PEMT: variants seen among roughly 807,000 people sequenced by gnomAD.
The protein encoded by PEMT is phosphatidylethanolamine N-methyltransferase, also known as phospholipid methyltransferase.
Under a neutral mutation model 27.4 loss-of-function variants are expected in PEMT, and 23 were observed. The observed-to-expected ratio is 0.84, with a 90% CI of 0.60 to 1.19. The LOEUF (loss-of-function observed/expected upper bound fraction) is 1.19, where lower values mean the gene tolerates loss of function less well. Ranked by LOEUF, PEMT falls within the 50% of genes most tolerant of loss-of-function variation. The pLI is 0.00. For synonymous variants in PEMT, 137 were observed against 139.1 expected (o/e 0.98, Z 0.11); for missense variants, 307 against 310.1 (o/e 0.99, Z 0.07).
Position 17,512,213 on chromosome 17 carries a change from G to A in PEMT, c.466+296C>T, listed in dbSNP as rs1397896318. On this transcript the variant is annotated intron_variant, in intron 4 of 6. Transcript: ENST00000255389. The surrounding 1 kb of genome is among the most constrained non-coding windows in gnomAD (Gnocchi z 6.3). ...ACTCAAGGAGTCCTGCACCCAGCCC[G>A]GGCCGCAGAACGGGCATTGAGTGCA... is the stretch of plus-strand genomic sequence containing the variant. 2.0e-5 allele frequency among the ~76,000 whole-genome samples: 3 copies of A among 152,214 alleles called. No individual in the cohort carries two copies. The highest frequency in any genetic ancestry group is 2.1e-4 in the South Asian group (1 of 4,832).
chr17:17,563,906 G>T (rs1440619273), intron 2 of PEMT, among the ~76,000 whole-genome samples: 1 of 152,200 alleles, frequency 6.6e-6, no homozygotes, highest in Non-Finnish European at 1.5e-5. Context: ...TGGAAGAGGG[G>T]AGTCTCTAGC....
At chr17:17,584,335 AT>A (rs1912130882) in intron 1 of PEMT, among the ~76,000 whole-genome samples, 1 of 151,740 alleles carries the variant, frequency 6.6e-6, no homozygotes, top group Non-Finnish European at 1.5e-5. Flanking sequence ...ATTTTTTTGT[AT>A]TTTTAGTAGA....
At chr17:17,509,933 C>T (rs955032578) in intron 4 of PEMT, among the ~76,000 whole-genome samples, 1 of 152,140 alleles carries the variant, frequency 6.6e-6, no homozygotes, top group African/African-American at 2.4e-5. Context: ...GCTCATGGCG[C>T]CTCTTTATGC....
At chr17:17,506,425 G>A in intron 5 of PEMT, 124 bp from the exon 6 acceptor site, 2 of 640,346 alleles carry the variant, frequency 3.1e-6, no homozygotes, top group South Asian at 1.9e-5. Context: ...GGCCACTTGG[G>A]CCGACCGAGC....
At chr17:17,538,117 C>T (rs1458160428) in intron 2 of PEMT, among the ~76,000 whole-genome samples, 1 of 152,208 alleles carries the variant, frequency 6.6e-6, no homozygotes, top group Non-Finnish European at 1.5e-5. Flanking sequence ...GGTCCCAGCC[C>T]TCCCAGCCCT....
At chr17:17,536,724 C>T (rs1567696063) in intron 2 of PEMT, among the ~76,000 whole-genome samples, 1 of 152,236 alleles carries the variant, frequency 6.6e-6, no homozygotes, top group Non-Finnish European at 1.5e-5. Context: ...GCCTGCTACA[C>T]CTGCCCGTCC....
At chr17:17,507,003 T>G in intron 5 of PEMT, 1 of 677,840 alleles carries the variant, frequency 1.5e-6, no homozygotes, top group Non-Finnish European at 2.6e-6. Flanking sequence ...CAAGGCCGGA[T>G]GGAGCATCGC....
chr17:17,558,095 A>G (rs993300945), intron 2 of PEMT, among the ~76,000 whole-genome samples: 1 of 152,226 alleles, frequency 6.6e-6, no homozygotes, highest in Non-Finnish European at 1.5e-5. Context: ...CAGTCCCAGC[A>G]CTTTGGGAGG....
intron 2 of PEMT, among the ~76,000 whole-genome samples, chr17:17,534,559 C>T (rs1031350216): frequency 5.3e-5 from 8 of 152,300 alleles, no homozygotes; most frequent in Middle Eastern, 3.4e-3. Flanking sequence ...CAGGGCACAG[C>T]GGCTCTTGCC....
At chr17:17,522,183 C>G in intron 3 of PEMT, 97 bp downstream of exon 3, 1 of 860,026 alleles carries the variant, frequency 1.2e-6, no homozygotes. Context: ...AGTGCTCAGA[C>G]ACAAGGCTCC....
chr17:17,509,360 C>T lies in PEMT; in HGVS notation c.578+74G>A, dbSNP rs576486102. 1.3e-4 allele frequency: 123 copies of T among 959,696 alleles called. 1 individual carries two copies. Among genetic ancestry groups the T allele is most frequent in the African/African-American group, 5.8e-4 (35 of 60,712 alleles). 59.4% of individuals were successfully genotyped at this position (959,696 alleles called of 1,614,324 possible). A position where few individuals can be genotyped will look rare whatever the true frequency, so the allele number is the denominator to read the frequency against. The stretch of plus-strand genomic sequence containing the variant: ...CTCTCTCTCCAGGGGCCCTGGCCCC[C>T]GCGTCCTGAGCTGCACCAGCTCCTC... On this transcript the variant is annotated intron_variant, in intron 5 of 6. Transcript: ENST00000255389.
chr17:17,541,875 G>C (rs1036577703), intron 2 of PEMT, among the ~76,000 whole-genome samples: 1 of 152,230 alleles, frequency 6.6e-6, no homozygotes, highest in Admixed American at 6.5e-5. Context: ...AAAACGACAG[G>C]CCACAGACAT....
intron 1 of PEMT, among the ~76,000 whole-genome samples, chr17:17,579,748 G>T (rs775018174): frequency 6.6e-6 from 1 of 152,220 alleles, no homozygotes; most frequent in Non-Finnish European, 1.5e-5. Flanking sequence ...TAGGACCAAA[G>T]GTGCACTGCT....
chr17:17,569,154 G>A (rs1911024749), intron 2 of PEMT, among the ~76,000 whole-genome samples: 1 of 152,190 alleles, frequency 6.6e-6, no homozygotes, highest in Non-Finnish European at 1.5e-5. Flanking sequence ...CCGGCCAGAG[G>A]GACAGGTCAG....
At chr17:17,514,025 C>T (rs70963038) in intron 3 of PEMT, among the ~76,000 whole-genome samples, 362 of 152,310 alleles carry the variant, frequency 2.4e-3, no homozygotes, top group Non-Finnish European at 3.9e-3. Flanking sequence ...TATGCACCCA[C>T]ACATCCATCC....
intron 2 of PEMT, 64 bp downstream of exon 2, chr17:17,576,856 T>G (rs955098039): frequency 7.6e-7 from 1 of 1,322,752 alleles, no homozygotes; most frequent in African/African-American, 1.4e-5. Context: ...CGCGATCCCC[T>G]GCATGTGGGG....
intron 2 of PEMT, among the ~76,000 whole-genome samples, chr17:17,560,898 C>G (rs921704289): frequency 6.6e-6 from 1 of 151,938 alleles, no homozygotes; most frequent in African/African-American, 2.4e-5. Flanking sequence ...TTCCCGCTCC[C>G]AAGACTGCCT....
At position 17,582,862 on chromosome 17, in the gene PEMT, G is replaced by C. The variant is rs58186401; in HGVS notation, c.97-5835C>G. ...GCGGATCACAAGGCCAGGAGTCAGA[G>C]ATCAGCCTGGCCAATATGGTGAAAC... On this transcript the variant is annotated intron_variant, in intron 1 of 6. Coordinates refer to ENST00000255389, the MANE Select transcript of PEMT (RefSeq NM_148172.3). This position sits in a 1 kb window ranked among gnomAD's most constrained non-coding sequence, Gnocchi z 4.9. 0.04 allele frequency among the ~76,000 whole-genome samples: 6,035 copies of C among 152,228 alleles called. 401 individuals are homozygous for C. The highest frequency in any genetic ancestry group is 0.14 in the African/African-American group (5,715 of 41,516).
At chr17:17,518,020 A>G in intron 3 of PEMT, 1 of 985,530 alleles carries the variant, frequency 1.0e-6, no homozygotes, top group Non-Finnish European at 1.2e-6. Flanking sequence ...CTCCGAGGCC[A>G]GGATGCAGCT....
Sources: allele counts gnomAD v4.1 joint callset (sites outside exome capture counted in the v4.1 genomes callset), GRCh38; gene constraint gnomAD v4.1.1; non-coding constraint Gnocchi (gnomAD v3.1); transcripts MANE v1.5; gene names NCBI Gene and HGNC (gene_info 2026-07-23, HGNC 2026-07-21).